Variants in TTN observed in about 807,000 individuals in gnomAD.
TTN encodes connectin.
In TTN, 1,525 loss-of-function variants were observed where a neutral mutation model predicts 3,223.0. The observed-to-expected ratio is 0.47, with a 90% CI of 0.45 to 0.49. The LOEUF (loss-of-function observed/expected upper bound fraction) is 0.49. Ranked by LOEUF, TTN falls within the 20% of genes least tolerant of loss-of-function variation. The probability of loss-of-function intolerance (pLI) is 0.00; values close to 1 mark genes in which losing one functional copy is unlikely to be tolerated. For synonymous variants in TTN, 14,094 were observed against 15,161.0 expected (o/e 0.93, Z 5.17); for missense variants, 40,786 against 43,424.0 (o/e 0.94, Z 5.40).
rs565638291 is a variant in TTN at position 178,740,829 on chromosome 2, T to A, written c.12404A>T (p.Asn4135Ile). The part of the protein sequence containing the change: ...PESTREFLCI[N>I]GSIHFQPLKE... ...GAGAGGCTGAAAGTGAATACTGCCA[T>A]TGATGCAAAGAAATTCCCTGGTGCT... Residue 4135 changes from asparagine (N) to isoleucine (I), a missense_variant, in exon 48 of 363, where the codon AAT becomes ATT. Asn to Ile is a moderately radical substitution (Grantham distance 149). Transcript: ENST00000589042. 1 of 1,613,786 alleles carries A rather than the reference T, an allele frequency of 6.2e-7. No homozygotes were observed. The highest frequency in any genetic ancestry group is 8.5e-7 in the Non-Finnish European group (1 of 1,179,760).
At position 178,552,515 on chromosome 2, in the gene TTN, G is replaced by A. The variant is rs748056851; in HGVS notation, c.90385C>T (p.Pro30129Ser). 6.2e-7 allele frequency: 1 copy of A among 1,613,614 alleles called. No individual in the cohort carries two copies. Among genetic ancestry groups the A allele is most frequent in the South Asian group, 1.1e-5 (1 of 91,074 alleles). ...PITVKELIIT[P>S]EVDLSDIPGA... ...GGGATATCTGACAGGTCAACTTCAG[G>A]TGTAATAATAAGTTCTTTCACTGTA... Residue 30129 changes from proline (P) to serine (S), a missense_variant, in exon 335 of 363, where the codon CCT becomes TCT. By Grantham distance (74) the Pro-to-Ser change is moderately conservative. Coordinates refer to ENST00000589042, the MANE Select transcript of TTN (RefSeq NM_001267550.2).
chr2:178,560,042 T>G lies in TTN; in HGVS notation c.86090A>C (p.Asp28697Ala), dbSNP rs1559283455. 1 of 1,613,600 alleles carries G rather than the reference T, an allele frequency of 6.2e-7. No homozygotes were observed. Among genetic ancestry groups the G allele is most frequent in the Non-Finnish European group, 8.5e-7 (1 of 1,179,814 alleles). The change falls in exon 326 of 363, where the codon GAC becomes GCC. Residue 28697 changes from aspartate (D) to alanine (A), a missense_variant. Coordinates refer to ENST00000589042, the MANE Select transcript of TTN (RefSeq NM_001267550.2). The part of the protein sequence containing the change: ...TVEYKKSDDT[D>A]WKTSIQSLRG... The stretch of plus-strand genomic sequence containing the variant: ...TAAGCTCTGAATGGAAGTTTTCCAG[T>G]CAGTGTCATCAGATTTTTTGTATTC...
In TTN at chr2:178,646,012, AC is replaced by A. The variant is rs1560054622; in HGVS notation, c.40315del (p.Val13439LeufsTer23). On this transcript the variant is annotated frameshift_variant, in exon 217 of 363. Transcript: ENST00000589042. LOFTEE classifies it high-confidence loss of function. The stretch of plus-strand genomic sequence containing the variant: ...TGGTTTGAGTTTTGGCTTCTCAATA[AC>A]CTTTTCAGGTTCAGGTTCTTGAAAG... ...IPVKEPEPEK[V>X]IEKPKLKPRP... is the part of the protein sequence containing the mutation. The A allele has an allele frequency of 6.4e-7, 1 of 1,567,960 alleles. No homozygotes were observed. The highest frequency in any genetic ancestry group is 8.6e-7 in the Non-Finnish European group (1 of 1,161,526).
In TTN at chr2:178,601,709, C is replaced by G; in HGVS notation, c.55381G>C (p.Ala18461Pro). The change falls in exon 286 of 363, where the codon GCC (alanine) becomes CCC (proline). Residue 18461 changes from alanine (A) to proline (P), a missense_variant. Physicochemically the swap from Ala to Pro is conservative, Grantham distance 27. Coordinates refer to ENST00000589042, the MANE Select transcript of TTN (RefSeq NM_001267550.2). ...RSHTGKYSIT[A>P]KNKAGQKTAN... ...GTCTTTTGTCCTGCTTTATTCTTGG[C>G]TGTGATGCTGTATTTGCCTGTATGA... is the stretch of plus-strand genomic sequence containing the variant. The G allele has an allele frequency of 1.9e-6, 3 of 1,609,380 alleles. No homozygotes were observed. The highest frequency in any genetic ancestry group is 2.5e-6 in the Non-Finnish European group (3 of 1,178,506).
intron 47 of TTN, chr2:178,750,891 C>T: frequency 6.2e-7 from 1 of 1,612,834 alleles, no homozygotes; most frequent in Non-Finnish European, 8.5e-7. Context: ...TCCAGCTGTC[C>T]TCTTGCTTGG....
At chr2:178,686,045 T>TG (rs1249921326) in intron 127 of TTN, among the ~76,000 whole-genome samples, 1 of 150,884 alleles carries the variant, frequency 6.6e-6, no homozygotes, top group East Asian at 1.9e-4. Context: ...GCCAGTTTTG[T>TG]GGGGCAGGTA....
intron 133 of TTN, 32 bp from the exon 134 acceptor site, chr2:178,683,323 C>T: frequency 1.5e-6 from 2 of 1,349,124 alleles, no homozygotes; most frequent in Non-Finnish European, 2.0e-6. Flanking sequence ...AAGTGAATTG[C>T]AAGATTCTGA....
Position 178,679,334 on chromosome 2 carries a change from T to C in TTN, c.33742+5A>G, listed in dbSNP as rs2068798031. 6.2e-7 allele frequency: 1 copy of C among 1,612,466 alleles called. No homozygotes were observed. The highest frequency in any genetic ancestry group is 2.2e-5 in the East Asian group (1 of 44,868). ...CTATTCCACTGATGGATTATAAGGA[T>C]GTACCTTTTGCTGGCGGAGGCTTCT... is the stretch of plus-strand genomic sequence containing the variant. On this transcript the variant is annotated splice_donor_5th_base_variant and intron_variant, in intron 142 of 362. Coordinates refer to ENST00000589042, the MANE Select transcript of TTN (RefSeq NM_001267550.2).
In TTN at chr2:178,578,929, T is replaced by C. The variant is rs536702948; in HGVS notation, c.68101A>G (p.Thr22701Ala). Reference sequence around the variant, plus strand: ...TGAAGTCTGGTTACTCTAAAGGTGGTTTTCTGGACAGCTGAGGCGCACGTC... The same window carrying C: ...TGAAGTCTGGTTACTCTAAAGGTGGCTTTCTGGACAGCTGAGGCGCACGTC... The part of the protein sequence containing the change: ...WVTCASAVQK[T>A]TFRVTRLHEG... The change falls in exon 320 of 363, where the codon ACC (threonine) becomes GCC (alanine). Residue 22701 changes from threonine (T) to alanine (A), a missense_variant. Physicochemically the swap from Thr to Ala is moderately conservative, Grantham distance 58. Transcript: ENST00000589042. 9.9e-6 allele frequency: 16 copies of C among 1,613,202 alleles called. No individual in the cohort carries two copies. The highest frequency in any genetic ancestry group is 1.4e-5 in the Non-Finnish European group (16 of 1,179,468).
intron 135 of TTN, 117 bp downstream of exon 135, chr2:178,682,580 T>C (rs2069715724): frequency 2.9e-6 from 3 of 1,042,492 alleles, no homozygotes; most frequent in South Asian, 2.1e-5. Flanking sequence ...TGAAACAAAG[T>C]TCTTTCCAAA....
At position 178,566,859 on chromosome 2, in the gene TTN, T is replaced by C. The variant is rs1706063163; in HGVS notation, c.79273A>G (p.Lys26425Glu). 3.2e-5 allele frequency: 51 copies of C among 1,613,480 alleles called. No individual in the cohort carries two copies. The highest frequency in any genetic ancestry group is 4.2e-5 in the Non-Finnish European group (50 of 1,179,678). Residue 26425 changes from lysine (K) to glutamate (E), a missense_variant, in exon 326 of 363, where the codon AAA (lysine) becomes GAA (glutamate). By Grantham distance (56) the Lys-to-Glu change is moderately conservative. Transcript: ENST00000589042. ...CATCGAATGCCACTTCTGTCTCTTTTCTCTACAATGTAACCAATAATCTCA... is the reference window on the plus strand; with the variant it reads ...CATCGAATGCCACTTCTGTCTCTTTCCTCTACAATGTAACCAATAATCTCA... ...GSEIIGYIVE[K>E]RDRSGIRWIK...
Position 178,746,696 on chromosome 2 carries a change from C to T in TTN, c.11312-4775G>A, listed in dbSNP as rs1336247920. ...AGAAATTTCCAGTGAACACACATTA[C>T]CCACTCTTTCCATTTTGATTCTTTC... On this transcript the variant is annotated intron_variant, in intron 47 of 362. Transcript: ENST00000589042. 12 of 1,613,316 alleles carry T rather than the reference C, an allele frequency of 7.4e-6. No homozygotes were observed. Among genetic ancestry groups the T allele is most frequent in the Non-Finnish European group, 8.5e-6 (10 of 1,179,536 alleles).
Position 178,576,324 on chromosome 2 carries a change from G to T in TTN, c.69808C>A (p.Leu23270Ile). 4 of 1,570,548 alleles carry T rather than the reference G, an allele frequency of 2.5e-6. No individual in the cohort carries two copies. The highest frequency in any genetic ancestry group is 3.4e-6 in the Non-Finnish European group (4 of 1,162,686). Reference sequence around the variant, plus strand: ...TCCACGACATAGCCAGTGATTTCAAGTCCACCATCATAATGAGGCTTGCCC... The same window carrying T: ...TCCACGACATAGCCAGTGATTTCAATTCCACCATCATAATGAGGCTTGCCC... ...AWGKPHYDGG[L>I]EITGYVVEHQ... is the part of the protein sequence containing the mutation. Residue 23270 changes from leucine to isoleucine, a missense_variant, in exon 326 of 363, where the codon CTT (leucine) becomes ATT (isoleucine). By Grantham distance (5) the Leu-to-Ile change is conservative (BLOSUM62 2). Coordinates refer to ENST00000589042, the MANE Select transcript of TTN (RefSeq NM_001267550.2). This position sits in a 1 kb window ranked among gnomAD's most constrained non-coding sequence, Gnocchi z 4.3.
Position 178,709,683 on chromosome 2 carries a change from T to A in TTN, c.28636A>T (p.Asn9546Tyr). The change falls in exon 99 of 363, where the codon AAC becomes TAC. Residue 9546 changes from asparagine (N) to tyrosine (Y), a missense_variant. Coordinates refer to ENST00000589042, the MANE Select transcript of TTN (RefSeq NM_001267550.2). ...CTGACTTGCAGCACTAACGTGTTGT[T>A]CTTGAATGTTATTTCACAGTTAGAA... ...PTSNCEITFK[N>Y]NTLVLQVRKA... 2.5e-6 allele frequency: 4 copies of A among 1,613,954 alleles called. No homozygotes were observed. The highest frequency in any genetic ancestry group is 2.5e-6 in the Non-Finnish European group (3 of 1,179,834).
In TTN at chr2:178,585,278, T is replaced by C; in HGVS notation, c.64466A>G (p.His21489Arg). The C allele has an allele frequency of 6.2e-7, 1 of 1,612,752 alleles. No individual in the cohort carries two copies. Among genetic ancestry groups the C allele is most frequent in the East Asian group, 2.2e-5 (1 of 44,800 alleles). ...KAGKKLRIEA[H>R]VYGKPHPTCK... ...GGTGGGATGAGGCTTTCCATACACA[T>C]GGGCTTCAATTCGGAGTTTTTTCCC... Residue 21489 changes from histidine to arginine, a missense_variant, in exon 309 of 363, where the codon CAT becomes CGT. Coordinates refer to ENST00000589042, the MANE Select transcript of TTN (RefSeq NM_001267550.2).
chr2:178,640,639 T>G lies in TTN; in HGVS notation c.40634-9A>C, dbSNP rs373511249. ...AGGTGGTGGTTCTGGTACTTTAAGA[T>G]AAGATTATTTTTTCAGTGTTAATAT... On this transcript the variant is annotated splice_polypyrimidine_tract_variant and intron_variant, in intron 220 of 362. Coordinates refer to ENST00000589042, the MANE Select transcript of TTN (RefSeq NM_001267550.2). 2 of 1,561,866 alleles carry G rather than the reference T, an allele frequency of 1.3e-6. No individual in the cohort carries two copies. The highest frequency in any genetic ancestry group is 8.6e-7 in the Non-Finnish European group (1 of 1,159,766).
chr2:178,671,193 G>T, intron 155 of TTN, 23 bp from the exon 156 acceptor site: 1 of 1,560,034 alleles, frequency 6.4e-7, no homozygotes, highest in Non-Finnish European at 8.7e-7. Context: ...TAGTATTTTG[G>T]TTTAGAATGA....
chr2:178,749,836 T>C, intron 47 of TTN: 1 of 1,613,210 alleles, frequency 6.2e-7, no homozygotes, highest in South Asian at 1.1e-5. Flanking sequence ...ATGTTACAAC[T>C]GGCTGGGGCT....
In TTN at chr2:178,603,861, C is replaced by T. The variant is rs201450276; in HGVS notation, c.54811+15G>A. On this transcript the variant is annotated intron_variant, in intron 282 of 362. Coordinates refer to ENST00000589042, the MANE Select transcript of TTN (RefSeq NM_001267550.2). ...TGCTTTAGAAATTAGTCCCCAGAAA[C>T]GGAAGCATACTTACATATGGGATCT... 2.7e-4 allele frequency: 418 copies of T among 1,522,106 alleles called. No individual in the cohort carries two copies. Among genetic ancestry groups the T allele is most frequent in the South Asian group, 1.4e-3 (107 of 74,692 alleles). The allele number at this position is 1,522,106 out of a possible 1,614,324, so 94.3% of individuals were successfully genotyped here.
Sources: gnomAD v4.1 joint callset for allele counts (sites outside exome capture counted in the v4.1 genomes callset) on GRCh38, gnomAD v4.1.1 for gene constraint, Gnocchi (gnomAD v3.1) non-coding constraint, MANE v1.5 for transcripts, NCBI Gene and HGNC (gene_info 2026-07-23, HGNC 2026-07-21) for gene names.